The following MLLT6 variants were observed in gnomAD, a reference collection of about 807,000 sequenced individuals.
The protein encoded by MLLT6 is protein AF-17.
A neutral mutation model predicts 103.0 loss-of-function variants in MLLT6; 22 were observed. The observed-to-expected ratio is 0.21, with a 90% CI of 0.15 to 0.31. MLLT6 has a LOEUF of 0.31. Ranked by LOEUF, MLLT6 falls within the 10% of genes least tolerant of loss-of-function variation. The probability of loss-of-function intolerance (pLI) is 1.00; values close to 1 mark genes in which losing one functional copy is unlikely to be tolerated. For missense variants in MLLT6, 1,199 were observed against 1,441.7 expected (o/e 0.83, Z 2.73); for synonymous variants, 606 against 623.5 (o/e 0.97, Z 0.42).
chr17:38,716,756 C>T lies in MLLT6; in HGVS notation c.1426C>T (p.His476Tyr), dbSNP rs770513518. Residue 476 changes from histidine (H) to tyrosine (Y), a missense_variant, in exon 10 of 20, where the codon CAT (histidine) becomes TAT (tyrosine). By Grantham distance (83) the His-to-Tyr change is moderately conservative (BLOSUM62 2). Coordinates refer to ENST00000621332, the MANE Select transcript of MLLT6 (RefSeq NM_005937.4). This position sits in a 1 kb window ranked among gnomAD's most constrained non-coding sequence, Gnocchi z 5.6. The stretch of plus-strand genomic sequence containing the variant: ...GCACAAAGCCAGCAAGAGGAGCCGC[C>T]ATGGGCCAGGCCGTCCCAAGGGCAG... ...KKHKASKRSRHGPGRPKGSRN... is the reference protein window; with the variant it reads ...KKHKASKRSRYGPGRPKGSRN... 1 of 1,609,236 alleles carries T rather than the reference C, an allele frequency of 6.2e-7. No homozygotes were observed. The highest frequency in any genetic ancestry group is 1.3e-5 in the African/African-American group (1 of 75,004).
In MLLT6 at chr17:38,709,090, A is replaced by G. The variant is rs1905048862; in HGVS notation, c.355-83A>G. On this transcript the variant is annotated intron_variant, in intron 4 of 19. Transcript: ENST00000621332. The surrounding 1 kb of genome is among the most constrained non-coding windows in gnomAD (Gnocchi z 4.3). ...CACTGATCTAAGACTGTAGAGAGCA[A>G]ATGGAATGGAGGGGGTGGCCTAAGG... 4.0e-6 allele frequency: 4 copies of G among 990,794 alleles called. No individual in the cohort carries two copies. In the East Asian group the frequency reaches 9.5e-5, roughly 24 times the overall value. The allele number at this position is 990,794 out of a possible 1,614,324, so 61.4% of individuals were successfully genotyped here.
chr17:38,725,457 A>G, intron 19 of MLLT6, 100 bp from the exon 20 acceptor site: 2 of 1,107,128 alleles, frequency 1.8e-6, no homozygotes, highest in Non-Finnish European at 1.3e-6. Flanking sequence ...GCCCCGTTTC[A>G]GTACCCCACA....
chr17:38,722,573 G>C (rs1905816213), intron 17 of MLLT6, 105 bp from the exon 18 acceptor site: 1 of 710,096 alleles, frequency 1.4e-6, no homozygotes, highest in Admixed American at 2.2e-5. Flanking sequence ...GCTTCCCCTG[G>C]GTCTGAGGGA....
At chr17:38,720,815 C>G in intron 16 of MLLT6, 68 bp downstream of exon 16, 1 of 1,393,986 alleles carries the variant, frequency 7.2e-7, no homozygotes, top group Non-Finnish European at 1.0e-6. Flanking sequence ...CCATCTCTTC[C>G]CCGCAGCTAT....
chr17:38,713,196 C>T (rs2143679181), intron 8 of MLLT6: 3 of 609,750 alleles, frequency 4.9e-6, no homozygotes, highest in African/African-American at 1.8e-5. Context: ...ACCCAAATCC[C>T]ACTCTGTGCA....
chr17:38,713,586 G>A (rs971421813), intron 8 of MLLT6: 1 of 152,956 alleles, frequency 6.5e-6, no homozygotes, highest in African/African-American at 2.4e-5. Context: ...CCAGGGTGAT[G>A]TTGCTGTGGC....
In MLLT6 at chr17:38,725,941, G is replaced by A; in HGVS notation, c.*343G>A. 2.8e-6 allele frequency: 1 copy of A among 352,268 alleles called. No individual in the cohort carries two copies. 21.8% of individuals were successfully genotyped at this position (352,268 alleles called of 1,614,324 possible). On this transcript the variant is annotated 3_prime_UTR_variant, in exon 20 of 20. Transcript: ENST00000621332. ...CAGAAGTAGGGGGTTGGTTGGACCT[G>A]TCACATGAAATGGATCAGCACTTGA...
intron 6 of MLLT6, among the ~76,000 whole-genome samples, chr17:38,711,467 T>C (rs1162732076): frequency 1.3e-5 from 2 of 152,018 alleles, no homozygotes; most frequent in African/African-American, 4.8e-5. Flanking sequence ...GAGGGTCCCC[T>C]GCACGCCCTC....
Position 38,720,355 on chromosome 17 carries a change from C to G in MLLT6, c.2156-17C>G. The stretch of plus-strand genomic sequence containing the variant: ...CGCCCCCTCGCCCCTCCCTCAGGTT[C>G]CTCGCTCTCTCCGCAGTCGTGGAGA... On this transcript the variant is annotated splice_polypyrimidine_tract_variant and intron_variant, in intron 14 of 19. Transcript: ENST00000621332. The G allele has an allele frequency of 1.8e-6, 2 of 1,090,420 alleles. No individual in the cohort carries two copies. The highest frequency in any genetic ancestry group is 2.5e-6 in the Non-Finnish European group (2 of 794,040). 67.5% of individuals were successfully genotyped at this position (1,090,420 alleles called of 1,614,324 possible). A position where few individuals can be genotyped will look rare whatever the true frequency, so the allele number is the denominator to read the frequency against.
chr17:38,723,828 C>T (rs1340601251), intron 18 of MLLT6, among the ~76,000 whole-genome samples: 2 of 151,268 alleles, frequency 1.3e-5, no homozygotes, highest in African/African-American at 2.4e-5. Flanking sequence ...CTGCAACCTC[C>T]GCCTCCCGGG....
In MLLT6 at chr17:38,719,912, C is replaced by A. The variant is rs772922385; in HGVS notation, c.2155+17C>A. ...GCGTCAACAGTGAGGAGGGGTGGCG[C>A]CGGTCGGGACGCCTGCCCTAGGGCC... is the stretch of plus-strand genomic sequence containing the variant. On this transcript the variant is annotated intron_variant, in intron 14 of 19. Coordinates refer to ENST00000621332, the MANE Select transcript of MLLT6 (RefSeq NM_005937.4). 10 of 1,555,894 alleles carry A rather than the reference C, an allele frequency of 6.4e-6. No homozygotes were observed. The African/African-American group carries it at 1.4e-4, about 21-fold the overall frequency.
intron 7 of MLLT6, 24 bp downstream of exon 7, chr17:38,712,038 A>G: frequency 6.5e-7 from 1 of 1,529,440 alleles, no homozygotes; most frequent in Non-Finnish European, 8.8e-7. Flanking sequence ...CCCACCTGCC[A>G]TCACTCCCAC....
chr17:38,715,336 C>A, intron 8 of MLLT6: 1 of 432,412 alleles, frequency 2.3e-6, no homozygotes, highest in Non-Finnish European at 4.1e-6. Flanking sequence ...TTTCATCTCC[C>A]TCTTGGCTTC....
At chr17:38,715,207 TC>T in intron 8 of MLLT6, 1 of 167,840 alleles carries the variant, frequency 6.0e-6, no homozygotes, top group South Asian at 1.7e-4. Context: ...AAGCCCATTC[TC>T]CTGTGGGTCC....
Position 38,722,169 on chromosome 17 carries a change from G to A in MLLT6, c.2734G>A (p.Ala912Thr), listed in dbSNP as rs948350783. 47 of 1,368,434 alleles carry A rather than the reference G, an allele frequency of 3.4e-5. No individual in the cohort carries two copies. The highest frequency in any genetic ancestry group is 2.6e-4 in the Middle Eastern group (1 of 3,834). 84.8% of individuals were successfully genotyped at this position (1,368,434 alleles called of 1,614,324 possible). The part of the protein sequence containing the change: ...GLNGAAAPNP[A>T]SLSQAGGAPT... ...GAATGGGGCCGCTGCCCCCAACCCCGCAAGCTTGAGCCAGGCTGGCGGGGC... is the reference window on the plus strand; with the variant it reads ...GAATGGGGCCGCTGCCCCCAACCCCACAAGCTTGAGCCAGGCTGGCGGGGC... Residue 912 changes from alanine to threonine, a missense_variant, in exon 17 of 20, where the codon GCA (alanine) becomes ACA (threonine). By Grantham distance (58) the Ala-to-Thr change is moderately conservative. Around this residue, in one of 7 missense-constraint regions of MLLT6, gnomAD observed 1,034 missense variants for 1,091.5 expected, o/e 0.95. Transcript: ENST00000621332.
Position 38,706,996 on chromosome 17 carries a change from G to C in MLLT6, c.156G>C (p.Arg52=). 1 of 1,612,606 alleles carries C rather than the reference G, an allele frequency of 6.2e-7. No homozygotes were observed. Among genetic ancestry groups the C allele is most frequent in the Non-Finnish European group, 8.5e-7 (1 of 1,178,824 alleles). The change falls in exon 2 of 20, where the codon CGG becomes CGC. Residue 52 remains arginine (R), a synonymous_variant. Coordinates refer to ENST00000621332, the MANE Select transcript of MLLT6 (RefSeq NM_005937.4). ...VQVPTGPWFC[R]KCESQERAAR... ...TGCCAACGGGACCCTGGTTCTGCCGGAAATGTGAATCTCAGGAGCGAGCAG... is the reference window on the plus strand; with the variant it reads ...TGCCAACGGGACCCTGGTTCTGCCGCAAATGTGAATCTCAGGAGCGAGCAG...
rs939657494 is a variant in MLLT6, at chr17:38,727,528, C to T, written c.*1930C>T. 1.4e-5 allele frequency: 3 copies of T among 207,018 alleles called. No homozygotes were observed. The highest frequency in any genetic ancestry group is 1.9e-4 in the South Asian group (1 of 5,308). The allele number at this position is 207,018 out of a possible 1,614,324, so 12.8% of individuals were successfully genotyped here. On this transcript the variant is annotated 3_prime_UTR_variant, in exon 20 of 20. Coordinates refer to ENST00000621332, the MANE Select transcript of MLLT6 (RefSeq NM_005937.4). ...AAAGAAAAGTAACCTTCAGGCCAGG[C>T]GCGGTGGCTCACGCCTGTAATCCCA...
rs748827459 is a variant in MLLT6 at position 38,707,015 on chromosome 17, C to G, written c.175C>G (p.Arg59Gly). The G allele has an allele frequency of 6.2e-7, 1 of 1,611,276 alleles. No individual in the cohort carries two copies. The highest frequency in any genetic ancestry group is 1.3e-5 in the African/African-American group (1 of 74,844). The change falls in exon 2 of 20, where the codon CGA (arginine) becomes GGA (glycine). Residue 59 changes from arginine to glycine, a missense_variant. By Grantham distance (125) the Arg-to-Gly change is moderately radical (BLOSUM62 -2). Transcript: ENST00000621332. ...WFCRKCESQE[R>G]AARVRCELCP... Reference sequence around the variant, plus strand: ...CTGCCGGAAATGTGAATCTCAGGAGCGAGCAGCCAGGGTGGTGAGTTCCAG... The same window carrying G: ...CTGCCGGAAATGTGAATCTCAGGAGGGAGCAGCCAGGGTGGTGAGTTCCAG...
chr17:38,725,499 T>G, intron 19 of MLLT6, 58 bp from the exon 20 acceptor site: 1 of 1,514,428 alleles, frequency 6.6e-7, no homozygotes, highest in South Asian at 1.1e-5. Context: ...GCTGTTCTTA[T>G]CTGGGGGTTA....
Sources: allele counts gnomAD v4.1 joint callset (sites outside exome capture counted in the v4.1 genomes callset), GRCh38; gene constraint gnomAD v4.1.1; regional missense constraint gnomAD v4.1.1; non-coding constraint Gnocchi (gnomAD v3.1); transcripts MANE v1.5; gene names NCBI Gene and HGNC (gene_info 2026-07-23, HGNC 2026-07-21).